ADCY2: variants seen among roughly 807,000 people sequenced by gnomAD.
ADCY2 encodes adenylate cyclase type 2.
A neutral mutation model predicts 125.2 loss-of-function variants in ADCY2; 31 were observed. That is an observed-to-expected ratio of 0.25 (90% CI 0.19 to 0.33). The LOEUF is 0.33. ADCY2 is among the 10% of genes least tolerant of loss of function. ADCY2 has a pLI of 1.00. For synonymous variants in ADCY2, 512 were observed against 548.4 expected (o/e 0.93, Z 0.93); for missense variants, 904 against 1,418.2 (o/e 0.64, Z 5.82).
At chr5:7,704,480 G>A (rs764543150) in intron 7 of ADCY2, among the ~76,000 whole-genome samples, 1 of 152,116 alleles carries the variant, frequency 6.6e-6, no homozygotes, top group Non-Finnish European at 1.5e-5. Flanking sequence ...AAGGGATTAA[G>A]CCTTCTCTTA....
intron 3 of ADCY2, among the ~76,000 whole-genome samples, chr5:7,531,075 A>T (rs1042929154): frequency 9.9e-5 from 15 of 152,276 alleles, no homozygotes; most frequent in African/African-American, 3.6e-4. Flanking sequence ...TGAGGGTCTG[A>T]GCTCCTGAAG....
rs762248740 is a variant in ADCY2 at position 7,784,435 on chromosome 5, G to A, written c.2455G>A (p.Val819Ile). ...CTCTATATTCTTCATCACACTGCTT[G>A]TTCTGGGTAGACAGGTAAGAAGTCT... ...SLSIFFITLL[V>I]LGRQNEYYCR... The change falls in exon 19 of 25, where the codon GTT (valine) becomes ATT (isoleucine). Residue 819 changes from valine (V) to isoleucine (I), a missense_variant. Transcript: ENST00000338316. 1 of 1,613,550 alleles carries A rather than the reference G, an allele frequency of 6.2e-7. No homozygotes were observed. The highest frequency in any genetic ancestry group is 8.5e-7 in the Non-Finnish European group (1 of 1,179,678).
intron 2 of ADCY2, among the ~76,000 whole-genome samples, chr5:7,456,534 T>C (rs1354520373): frequency 1.3e-5 from 2 of 152,228 alleles, no homozygotes; most frequent in African/African-American, 2.4e-5. Flanking sequence ...GAAATATTAT[T>C]GCGATCAGGC....
At chr5:7,408,436 C>T (rs1433163034) in intron 1 of ADCY2, among the ~76,000 whole-genome samples, 11 of 151,958 alleles carry the variant, frequency 7.2e-5, no homozygotes, top group Non-Finnish European at 1.5e-5. Flanking sequence ...GGCACAATCT[C>T]GGCTCACTGC....
chr5:7,756,954 C>T (rs182595279), intron 15 of ADCY2, among the ~76,000 whole-genome samples: 1 of 152,332 alleles, frequency 6.6e-6, no homozygotes, highest in African/African-American at 2.4e-5. Context: ...GATTTTCAGA[C>T]ACCGTATTTG....
intron 2 of ADCY2, among the ~76,000 whole-genome samples, chr5:7,477,925 T>G (rs1742581810): frequency 6.6e-6 from 1 of 152,220 alleles, no homozygotes. Context: ...TTTTTGTGAA[T>G]GGACACAGCT....
At chr5:7,463,618 T>TAAAA (rs33927169) in intron 2 of ADCY2, among the ~76,000 whole-genome samples, 117 of 101,864 alleles carry the variant, frequency 1.1e-3, no homozygotes, top group Middle Eastern at 5.1e-3. Flanking sequence ...AGGTGATAGA[T>TAAAA]AAAAAAAAAA....
At chr5:7,767,637 TC>T (rs1367429399) in intron 17 of ADCY2, among the ~76,000 whole-genome samples, 1 of 152,168 alleles carries the variant, frequency 6.6e-6, no homozygotes, top group Admixed American at 6.5e-5. Flanking sequence ...TATTTCCTAT[TC>T]CTCCTTCTCT....
At chr5:7,527,883 C>T (rs1476903972) in intron 3 of ADCY2, among the ~76,000 whole-genome samples, 1 of 152,168 alleles carries the variant, frequency 6.6e-6, no homozygotes, top group Non-Finnish European at 1.5e-5. Flanking sequence ...AAAGGAAAAA[C>T]AGCAGGTTAC....
intron 24 of ADCY2, among the ~76,000 whole-genome samples, chr5:7,822,769 T>TCACTCTCAG (rs1745342581): frequency 6.6e-6 from 1 of 152,196 alleles, no homozygotes; most frequent in Non-Finnish European, 1.5e-5. Flanking sequence ...TCTATTTGTC[T>TCACTCTCAG]CACTCTCAGA....
chr5:7,607,633 ACAAT>A (rs1378475574), intron 3 of ADCY2, among the ~76,000 whole-genome samples: 24 of 152,340 alleles, frequency 1.6e-4, no homozygotes, highest in East Asian at 1.2e-3. Flanking sequence ...CATGACACTT[ACAAT>A]CAATGACATG....
At chr5:7,631,363 G>A (rs116041301) in intron 4 of ADCY2, among the ~76,000 whole-genome samples, 1,605 of 152,270 alleles carry the variant, frequency 0.011, 13 homozygotes, top group Non-Finnish European at 0.017. Context: ...TATTCCTACA[G>A]CAACTCTAGG....
chr5:7,427,167 T>C (rs747179679), intron 2 of ADCY2, among the ~76,000 whole-genome samples: 5 of 152,276 alleles, frequency 3.3e-5, no homozygotes, highest in Non-Finnish European at 4.4e-5. Context: ...GTCCCTTGGC[T>C]TGCAGCTGTG....
At chr5:7,794,494 C>T (rs1744363027) in intron 20 of ADCY2, 1 of 152,134 alleles carries the variant, frequency 6.6e-6, no homozygotes, top group African/African-American at 2.4e-5. Context: ...GCACTGCATG[C>T]AAAACAGAGC....
rs1277575134 is a variant in ADCY2 at position 7,559,372 on chromosome 5, C to T, written c.570+38473C>T. Among the ~76,000 whole-genome samples the T allele has an allele frequency of 3.9e-5, 6 of 152,028 alleles. No homozygotes were observed. In the East Asian group the frequency reaches 9.7e-4, roughly 24 times the overall value. On this transcript the variant is annotated intron_variant, in intron 3 of 24. Coordinates refer to ENST00000338316, the MANE Select transcript of ADCY2 (RefSeq NM_020546.3). ...TCTTTGAGCAGTATTTTGTAGTTCT[C>T]CTTGTAGAGATCTTTCACCTTCATA...
chr5:7,777,070 T>C (rs943250855), intron 18 of ADCY2, among the ~76,000 whole-genome samples: 2 of 151,658 alleles, frequency 1.3e-5, no homozygotes, highest in Admixed American at 1.3e-4. Flanking sequence ...TATATATATA[T>C]ACATCCTATT....
At chr5:7,680,444 A>G (rs1740291950) in intron 4 of ADCY2, among the ~76,000 whole-genome samples, 1 of 152,208 alleles carries the variant, frequency 6.6e-6, no homozygotes, top group Admixed American at 6.5e-5. Context: ...AGGAATGGCA[A>G]GGGCTGTGGT....
chr5:7,599,791 T>C (rs942833508), intron 3 of ADCY2, among the ~76,000 whole-genome samples: 6 of 152,082 alleles, frequency 3.9e-5, no homozygotes, highest in East Asian at 3.9e-4. Flanking sequence ...AAGTGCAGTA[T>C]GGAAAGAGGT....
rs1193493631 is a variant in ADCY2, at chr5:7,520,834, C to A, written c.505C>A (p.His169Asn). The A allele has an allele frequency of 6.2e-7, 1 of 1,614,226 alleles. No individual in the cohort carries two copies. Among genetic ancestry groups the A allele is most frequent in the Non-Finnish European group, 8.5e-7 (1 of 1,180,032 alleles). The part of the protein sequence containing the change: ...IIASVLTSSS[H>N]TIVLSVCLSA... Reference sequence around the variant, plus strand: ...TGCCAGCGTCCTCACCTCCTCCTCCCACACCATCGTGCTTAGCGTCTGCCT... The same window carrying A: ...TGCCAGCGTCCTCACCTCCTCCTCCAACACCATCGTGCTTAGCGTCTGCCT... The change falls in exon 3 of 25, where the codon CAC becomes AAC. Residue 169 changes from histidine to asparagine, a missense_variant. Around this residue, in one of 7 missense-constraint regions of ADCY2, gnomAD observed 121 missense variants for 161.5 expected, o/e 0.75. Transcript: ENST00000338316.
Sources: allele counts gnomAD v4.1 joint callset (sites outside exome capture counted in the v4.1 genomes callset), GRCh38; gene constraint gnomAD v4.1.1; regional missense constraint gnomAD v4.1.1; transcripts MANE v1.5; gene names NCBI Gene and HGNC (gene_info 2026-07-23, HGNC 2026-07-21).